Variants in PTPRQ observed in about 807,000 individuals in gnomAD.
PTPRQ encodes protein tyrosine phosphatase receptor type Q, also known as phosphatidylinositol phosphatase PTPRQ.
Under a neutral mutation model 246.0 loss-of-function variants are expected in PTPRQ, and 199 were observed. The observed-to-expected ratio is 0.81, with a 90% CI of 0.72 to 0.91. The LOEUF is 0.91. PTPRQ is among the 40% of genes least tolerant of loss of function. PTPRQ has a pLI of 0.00. For synonymous variants in PTPRQ, 869 were observed against 853.2 expected, an observed-to-expected ratio of 1.02 and a Z score of -0.32; for missense variants, 2,624 against 2,528.4, an observed-to-expected ratio of 1.04 and a Z score of -0.81.
chr12:80,523,330 A>AT (rs1469008629), intron 17 of PTPRQ, among the ~76,000 whole-genome samples: 1 of 151,936 alleles, frequency 6.6e-6, no homozygotes, highest in African/African-American at 2.4e-5. Context: ...GGATTCATTG[A>AT]TTTTTTTGAA....
At chr12:80,672,273 C>T (rs1209168495) in intron 42 of PTPRQ, among the ~76,000 whole-genome samples, 1 of 151,474 alleles carries the variant, frequency 6.6e-6, no homozygotes, top group Non-Finnish European at 1.5e-5. Context: ...GTGTTTGACA[C>T]TCAAAATATA....
At chr12:80,446,885 A>T (rs888864017) in intron 3 of PTPRQ, among the ~76,000 whole-genome samples, 1 of 152,060 alleles carries the variant, frequency 6.6e-6, no homozygotes, top group South Asian at 2.1e-4. Context: ...AACATGAGTG[A>T]TGGTGTCTTT....
In PTPRQ at chr12:80,632,151, C is replaced by T. The variant is rs754416551; in HGVS notation, c.5687-41C>T. 54 of 1,528,486 alleles carry T rather than the reference C, an allele frequency of 3.5e-5. No homozygotes were observed. The African/African-American group carries it at 5.6e-4, about 16-fold the overall frequency. The allele number at this position is 1,528,486 out of a possible 1,614,324, so 94.7% of individuals were successfully genotyped here. A position where few individuals can be genotyped will look rare whatever the true frequency, so the allele number is the denominator to read the frequency against. ...GTAGTTTGGGATTCAAAATAAGATTCCATAATAATATTTAATGATCCTGTT... is the reference window on the plus strand; with the variant it reads ...GTAGTTTGGGATTCAAAATAAGATTTCATAATAATATTTAATGATCCTGTT... On this transcript the variant is annotated intron_variant, in intron 33 of 44. Coordinates refer to ENST00000644991, the MANE Select transcript of PTPRQ (RefSeq NM_001145026.2).
chr12:80,496,590 G>A, intron 14 of PTPRQ, 59 bp downstream of exon 14: 3 of 1,483,592 alleles, frequency 2.0e-6, no homozygotes, highest in Non-Finnish European at 1.8e-6. Flanking sequence ...AAGCAAAGCT[G>A]ATAATCGCCA....
chr12:80,641,851 T>TTCTCTCTTTCTCACTCTCTCTCTC (rs1899867242), intron 35 of PTPRQ, among the ~76,000 whole-genome samples: 1 of 149,824 alleles, frequency 6.7e-6, no homozygotes, highest in Admixed American at 6.6e-5. Context: ...CCTTCTCTCT[T>TTCTCTCTTTCTCACTCTCTCTCTC]TCTCTCTCTC....
intron 8 of PTPRQ, among the ~76,000 whole-genome samples, chr12:80,473,024 C>T (rs1385851039): frequency 1.9e-5 from 2 of 107,682 alleles, no homozygotes; most frequent in Non-Finnish European, 4.1e-5. Flanking sequence ...GACATGTATA[C>T]ACACACACAC....
chr12:80,499,391 T>A (rs1412797109), intron 14 of PTPRQ, among the ~76,000 whole-genome samples: 1 of 152,032 alleles, frequency 6.6e-6, no homozygotes, highest in Non-Finnish European at 1.5e-5. Context: ...AGATTATGTT[T>A]GCTACTGTTA....
intron 7 of PTPRQ, among the ~76,000 whole-genome samples, chr12:80,469,817 A>G (rs1189684497): frequency 6.6e-6 from 1 of 152,240 alleles, no homozygotes; most frequent in Non-Finnish European, 1.5e-5. Context: ...ATTGTTCAAT[A>G]CTTGGCTGAA....
At chr12:80,553,218 A>T (rs1896539387) in intron 25 of PTPRQ, among the ~76,000 whole-genome samples, 2 of 152,238 alleles carry the variant, frequency 1.3e-5, no homozygotes, top group Admixed American at 1.3e-4. Context: ...TAAATATAAA[A>T]ATTCTTTAAG....
intron 25 of PTPRQ, among the ~76,000 whole-genome samples, chr12:80,558,714 C>A (rs1429562304): frequency 1.3e-5 from 2 of 152,066 alleles, no homozygotes; most frequent in African/African-American, 2.4e-5. Context: ...AAACTGTTTT[C>A]CAAAGGAATT....
chr12:80,654,693 C>CA (rs57224729), intron 38 of PTPRQ, among the ~76,000 whole-genome samples: 26,738 of 111,972 alleles, frequency 0.24, 3,094 homozygotes, highest in Middle Eastern at 0.35. Flanking sequence ...ACTAAAAATC[C>CA]AAAAAAAAAA....
Sources: allele counts gnomAD v4.1 joint callset (sites outside exome capture counted in the v4.1 genomes callset), GRCh38; gene constraint gnomAD v4.1.1; transcripts MANE v1.5; gene names NCBI Gene and HGNC (gene_info 2026-07-23, HGNC 2026-07-21).